Variants in SHLD1 observed in about 807,000 individuals in gnomAD.
SHLD1 encodes the protein shieldin complex subunit 1.
In SHLD1, 3 loss-of-function variants were observed where a neutral mutation model predicts 5.5. The observed-to-expected ratio is 0.54, with a 90% CI of 0.25 to 1.40. The LOEUF (loss-of-function observed/expected upper bound fraction) is 1.40, where lower values mean the gene tolerates loss of function less well. SHLD1 is among the 40% of genes most tolerant of loss of function. SHLD1 has a pLI of 0.15. For missense variants in SHLD1, 210 were observed against 244.4 expected, an observed-to-expected ratio of 0.86 and a Z score of 0.94; for synonymous variants, 92 against 94.3, an observed-to-expected ratio of 0.98 and a Z score of 0.14.
chr20:5,860,438 A>G (rs1699240), intron 2 of SHLD1, among the ~76,000 whole-genome samples: 92,011 of 151,840 alleles, frequency 0.61, 28,512 homozygotes, highest in African/African-American at 0.71. Flanking sequence ...TGATTTTTCT[A>G]CAAACAAGGA....
intron 1 of SHLD1, among the ~76,000 whole-genome samples, chr20:5,751,107 A>C (rs1290281024): frequency 2.0e-5 from 3 of 152,162 alleles, no homozygotes; most frequent in African/African-American, 7.2e-5. Flanking sequence ...TCCAAAGAAA[A>C]ATCCTGCCTC....
intron 1 of SHLD1, among the ~76,000 whole-genome samples, chr20:5,752,486 A>T (rs145876209): frequency 1.4e-3 from 217 of 152,208 alleles, no homozygotes; most frequent in African/African-American, 5.0e-3. Context: ...TGGATCTGGG[A>T]AAGGCCTAGA....
intron 1 of SHLD1, among the ~76,000 whole-genome samples, chr20:5,760,310 T>G (rs1409688461): frequency 6.6e-6 from 1 of 151,530 alleles, no homozygotes; most frequent in Admixed American, 6.6e-5. Context: ...TGAAGTGGAG[T>G]GCAGGTGTGG....
chr20:5,820,508 C>T (rs2087594591), intron 2 of SHLD1, among the ~76,000 whole-genome samples: 1 of 152,156 alleles, frequency 6.6e-6, no homozygotes, highest in Admixed American at 6.5e-5. Flanking sequence ...AAGTTCACCA[C>T]CCAGTGATAG....
chr20:5,838,184 CATGT>C (rs1377386556), intron 2 of SHLD1, among the ~76,000 whole-genome samples: 1 of 152,148 alleles, frequency 6.6e-6, no homozygotes, highest in Non-Finnish European at 1.5e-5. Flanking sequence ...AGTTTGTGTG[CATGT>C]GTGTGCCTGA....
intron 1 of SHLD1, among the ~76,000 whole-genome samples, chr20:5,765,515 TG>T (rs1778348345): frequency 6.6e-6 from 1 of 152,092 alleles, no homozygotes; most frequent in Admixed American, 6.6e-5. Context: ...CCCAAAGTGC[TG>T]GGATTACAGG....
intron 1 of SHLD1, among the ~76,000 whole-genome samples, chr20:5,752,233 G>A (rs921664370): frequency 5.3e-5 from 8 of 151,692 alleles, no homozygotes; most frequent in African/African-American, 1.2e-4. Flanking sequence ...CCATCTCTAC[G>A]AAAAATAAAA....
At chr20:5,837,051 G>A (rs1006927555) in intron 2 of SHLD1, among the ~76,000 whole-genome samples, 33 of 152,182 alleles carry the variant, frequency 2.2e-4, no homozygotes, top group African/African-American at 7.7e-4. Flanking sequence ...GCCCAGGTCA[G>A]CAGCTATGGA....
intron 1 of SHLD1, among the ~76,000 whole-genome samples, chr20:5,752,410 C>G (rs1165221200): frequency 7.1e-6 from 1 of 141,042 alleles, no homozygotes; most frequent in African/African-American, 2.7e-5. Flanking sequence ...AAAAAAAAAA[C>G]AAAAAAGAGA....
At chr20:5,807,361 TTCTC>T (rs2087392618) in intron 2 of SHLD1, among the ~76,000 whole-genome samples, 2 of 151,840 alleles carry the variant, frequency 1.3e-5, no homozygotes, top group African/African-American at 2.4e-5. Context: ...CTTCTTTTCT[TTCTC>T]TCTCTTTCTT....
At chr20:5,843,352 C>CTT (rs1196777792) in intron 2 of SHLD1, among the ~76,000 whole-genome samples, 4 of 129,050 alleles carry the variant, frequency 3.1e-5, no homozygotes, top group Admixed American at 7.7e-5. Context: ...GCAGATATTT[C>CTT]TTTTTTTTCT....
At chr20:5,808,752 A>G (rs998183540) in intron 2 of SHLD1, among the ~76,000 whole-genome samples, 9 of 152,222 alleles carry the variant, frequency 5.9e-5, no homozygotes, top group Admixed American at 2.0e-4. Flanking sequence ...CTTGGTAACT[A>G]TATTGTTGTA....
At chr20:5,774,598 A>G (rs1985341610) in intron 2 of SHLD1, among the ~76,000 whole-genome samples, 2 of 152,170 alleles carry the variant, frequency 1.3e-5, no homozygotes, top group Admixed American at 6.5e-5. Flanking sequence ...GGCGGAAGGC[A>G]AAGGGGAAGC....
chr20:5,765,222 T>TA, intron 1 of SHLD1: 1 of 151,858 alleles, frequency 6.6e-6, no homozygotes, highest in East Asian at 1.9e-4. Flanking sequence ...AAAGAATATT[T>TA]ACAATAACTT....
intron 2 of SHLD1, among the ~76,000 whole-genome samples, chr20:5,823,002 G>GC (rs375834486): frequency 0.021 from 843 of 39,448 alleles, 3 homozygotes; most frequent in African/African-American, 0.074. Context: ...CCCCCACCCC[G>GC]CCCCCACCCC....
intron 2 of SHLD1, among the ~76,000 whole-genome samples, chr20:5,834,252 C>T (rs1182723568): frequency 6.6e-6 from 1 of 152,196 alleles, no homozygotes; most frequent in Non-Finnish European, 1.5e-5. Flanking sequence ...GTCTTCCTGC[C>T]TTCAGGAGTG....
chr20:5,842,149 G>A (rs2087870890), intron 2 of SHLD1, among the ~76,000 whole-genome samples: 1 of 152,182 alleles, frequency 6.6e-6, no homozygotes, highest in Non-Finnish European at 1.5e-5. Flanking sequence ...TGAGATCAGA[G>A]TCTAGCATTG....
chr20:5,761,827 C>G (rs1039877342), intron 1 of SHLD1, among the ~76,000 whole-genome samples: 1 of 151,794 alleles, frequency 6.6e-6, no homozygotes, highest in Non-Finnish European at 1.5e-5. Flanking sequence ...AGGCTGCTCT[C>G]GAACTACTGA....
At chr20:5,816,810 C>A (rs6085285) in intron 2 of SHLD1, among the ~76,000 whole-genome samples, 2 of 152,226 alleles carry the variant, frequency 1.3e-5, no homozygotes, top group Non-Finnish European at 2.9e-5. Flanking sequence ...TAGCTCACAC[C>A]TGTAATCTCA....
Sources: allele counts gnomAD v4.1 joint callset (sites outside exome capture counted in the v4.1 genomes callset), GRCh38; gene constraint gnomAD v4.1.1; transcripts MANE v1.5; gene names NCBI Gene and HGNC (gene_info 2026-07-23, HGNC 2026-07-21).